Variants in HSD17B12 observed in about 807,000 individuals in gnomAD.
HSD17B12 encodes hydroxysteroid 17-beta dehydrogenase 12, also known as very-long-chain 3-oxoacyl-CoA reductase.
A neutral mutation model predicts 39.3 loss-of-function variants in HSD17B12; 32 were observed. The observed-to-expected ratio is 0.81, with a 90% CI of 0.61 to 1.09. The LOEUF is 1.09. Among genes scored for constraint, HSD17B12 ranks in the 50% least tolerant of loss-of-function variants. HSD17B12 has a pLI of 0.00. For synonymous variants in HSD17B12, 150 were observed against 146.7 expected, an observed-to-expected ratio of 1.02 and a Z score of -0.16; for missense variants, 342 against 382.9, an observed-to-expected ratio of 0.89 and a Z score of 0.89.
intron 1 of HSD17B12, among the ~76,000 whole-genome samples, chr11:43,720,628 A>T (rs910128905): frequency 6.6e-6 from 1 of 152,178 alleles, no homozygotes; most frequent in Non-Finnish European, 1.5e-5. Flanking sequence ...ATATCCAAGG[A>T]AGGGAAAATA....
At chr11:43,678,146 C>T (rs553760551), upstream of HSD17B12, among the ~76,000 whole-genome samples, 1 of 152,204 alleles carries the variant, frequency 6.6e-6, no homozygotes, top group East Asian at 1.9e-4. Context: ...GAGATGGTAT[C>T]TCATTGTGGT....
chr11:43,584,544 C>T, the HSD17B12 span: 45 of 152,410 alleles, frequency 3.0e-4, no homozygotes, highest in African/African-American at 9.6e-4. Context: ...CCCTGCCTAT[C>T]TTTTGGCCTT....
intron 1 of HSD17B12, among the ~76,000 whole-genome samples, chr11:43,695,238 G>T (rs1462808642): frequency 1.3e-5 from 2 of 152,084 alleles, no homozygotes; most frequent in Non-Finnish European, 2.9e-5. Context: ...CCAGGGCTTG[G>T]TTTATAATAG....
intron 1 of HSD17B12, chr11:43,733,804 T>C (rs1300059961): frequency 4.2e-6 from 3 of 716,306 alleles, no homozygotes; most frequent in Non-Finnish European, 7.4e-6. Context: ...TGGCCTGGTC[T>C]TAGCCGTTGC....
At chr11:43,764,413 T>G (rs1421246493) in intron 3 of HSD17B12, among the ~76,000 whole-genome samples, 2 of 152,160 alleles carry the variant, frequency 1.3e-5, no homozygotes, top group East Asian at 3.8e-4. Flanking sequence ...AAGCACTTAC[T>G]AAGTCTCTAT....
At chr11:43,740,624 T>TCAAGAGACTACTGCAGCTA (rs1565070790) in intron 1 of HSD17B12, among the ~76,000 whole-genome samples, 1 of 152,204 alleles carries the variant, frequency 6.6e-6, no homozygotes, top group Non-Finnish European at 1.5e-5. Flanking sequence ...ACTTCATGGT[T>TCAAGAGACTACTGCAGCTA]CAAGAGACTA....
the HSD17B12 span, among the ~76,000 whole-genome samples, chr11:43,596,647 A>G: frequency 3.3e-5 from 5 of 152,112 alleles, no homozygotes; most frequent in African/African-American, 9.7e-5. Flanking sequence ...GCTATTGCCC[A>G]GGCTGGTCTC....
chr11:43,819,188 A>G lies in HSD17B12; in HGVS notation c.501+2797A>G, dbSNP rs1951158286. On this transcript the variant is annotated intron_variant, in intron 6 of 10. Transcript: ENST00000278353. ...CTCTGTCAGATAAACTGTGTAAGCC[A>G]TTTACTTTAGATCCATTAGTATTTT... Among the ~76,000 whole-genome samples the G allele has an allele frequency of 2.0e-5, 3 of 152,270 alleles. No homozygotes were observed. In the South Asian group the frequency reaches 6.2e-4, roughly 32 times the overall value.
the HSD17B12 span, among the ~76,000 whole-genome samples, chr11:43,567,530 G>C: frequency 1.5e-3 from 223 of 152,344 alleles, no homozygotes; most frequent in African/African-American, 5.0e-3. Flanking sequence ...TTGTTCTATA[G>C]AGAAATGAAG....
the HSD17B12 span, among the ~76,000 whole-genome samples, chr11:43,651,794 G>C: frequency 2.6e-5 from 4 of 152,112 alleles, no homozygotes; most frequent in African/African-American, 9.7e-5. Flanking sequence ...GGCCAGGCTG[G>C]TCTTGAACTC....
chr11:43,829,840 C>T (rs968570810), intron 6 of HSD17B12: 1 of 151,810 alleles, frequency 6.6e-6, no homozygotes, highest in African/African-American at 2.4e-5. Context: ...TTTAGCTAAG[C>T]ATTATGGTCC....
At position 43,719,626 on chromosome 11, in the gene HSD17B12, A is replaced by AT. The variant is rs1565062580; in HGVS notation, c.161-31285_161-31284insT. ...AAGGACAAGGACTTCAAAAAAAAAA[A>AT]AATATATATATATATATACCTTGAA... On this transcript the variant is annotated intron_variant, in intron 1 of 10. Transcript: ENST00000278353. Among the ~76,000 whole-genome samples, 91 of 129,822 alleles carry AT rather than the reference A, an allele frequency of 7.0e-4. 2 individuals carry two copies. The highest frequency in any genetic ancestry group is 2.5e-3 in the East Asian group (12 of 4,710). The allele number at this position is 129,822 out of a possible 152,430, so 85.2% of individuals were successfully genotyped here.
the HSD17B12 span, among the ~76,000 whole-genome samples, chr11:43,559,067 C>A: frequency 6.6e-6 from 1 of 152,120 alleles, no homozygotes; most frequent in Non-Finnish European, 1.5e-5. Flanking sequence ...GGCCTGACAC[C>A]CACTGTCCAT....
At chr11:43,698,421 G>A (rs1949932420) in intron 1 of HSD17B12, among the ~76,000 whole-genome samples, 1 of 152,354 alleles carries the variant, frequency 6.6e-6, no homozygotes, top group Non-Finnish European at 1.5e-5. Context: ...CCTCAGCAAT[G>A]TAATAGTTTA....
chr11:43,842,384 G>A (rs902458318), intron 9 of HSD17B12, among the ~76,000 whole-genome samples: 4 of 152,096 alleles, frequency 2.6e-5, no homozygotes, highest in Admixed American at 6.5e-5. Context: ...TCTAAACCCC[G>A]ACCTGAGCTT....
At chr11:43,584,403 T>C in the HSD17B12 span, among the ~76,000 whole-genome samples, 9 of 152,346 alleles carry the variant, frequency 5.9e-5, no homozygotes, top group African/African-American at 2.2e-4. Flanking sequence ...TCAGCATCCA[T>C]GCCTTGGTAG....
chr11:43,733,680 T>C (rs972386020), intron 1 of HSD17B12: 52 of 476,418 alleles, frequency 1.1e-4, no homozygotes, highest in Non-Finnish European at 1.8e-4. Flanking sequence ...TTTAGTAACT[T>C]TTAAAAAAAG....
chr11:43,853,383 T>C (rs1274609351), intron 9 of HSD17B12: 1 of 140,728 alleles, frequency 7.1e-6, no homozygotes, highest in African/African-American at 2.6e-5. Context: ...ATGGGACCAC[T>C]CCTTCTAGGT....
the HSD17B12 span, among the ~76,000 whole-genome samples, chr11:43,594,527 C>CT: frequency 2.8e-3 from 407 of 144,076 alleles, 2 homozygotes; most frequent in South Asian, 7.0e-3. Flanking sequence ...TTTCTTTTCT[C>CT]TTTTTTTTTT....
Sources: allele counts gnomAD v4.1 joint callset (sites outside exome capture counted in the v4.1 genomes callset), GRCh38; gene constraint gnomAD v4.1.1; transcripts MANE v1.5; gene names NCBI Gene and HGNC (gene_info 2026-07-23, HGNC 2026-07-21).